The following BAZ1B variants were observed in gnomAD, a reference collection of about 807,000 sequenced individuals.
The protein encoded by BAZ1B is tyrosine-protein kinase BAZ1B.
Under a neutral mutation model 153.8 loss-of-function variants are expected in BAZ1B, and 22 were observed. That is an observed-to-expected ratio of 0.14 (90% CI 0.10 to 0.20). The LOEUF (loss-of-function observed/expected upper bound fraction) is 0.20, where lower values mean the gene tolerates loss of function less well. Among genes scored for constraint, BAZ1B ranks in the 10% least tolerant of loss-of-function variants. The pLI, the probability that BAZ1B is intolerant of heterozygous loss-of-function variation, is 1.00. For missense variants in BAZ1B, 1,325 were observed against 1,799.3 expected, an observed-to-expected ratio of 0.74 and a Z score of 4.77; for synonymous variants, 676 against 633.4, an observed-to-expected ratio of 1.07 and a Z score of -1.01.
chr7:73,467,360 GTAAT>G (rs1788632487), intron 9 of BAZ1B, among the ~76,000 whole-genome samples: 1 of 151,700 alleles, frequency 6.6e-6, no homozygotes, highest in Non-Finnish European at 1.5e-5. Context: ...TTTCAATTGG[GTAAT>G]TTATTTATTT....
chr7:73,482,808 T>C (rs1554573867), intron 6 of BAZ1B, among the ~76,000 whole-genome samples: 1 of 152,168 alleles, frequency 6.6e-6, no homozygotes, highest in Non-Finnish European at 1.5e-5. Flanking sequence ...TTGTTTGTTT[T>C]TTTCTTAAAA....
chr7:73,506,392 G>C (rs186735399), intron 3 of BAZ1B, among the ~76,000 whole-genome samples: 1 of 151,818 alleles, frequency 6.6e-6, no homozygotes, highest in South Asian at 2.1e-4. Flanking sequence ...CCAGCTACTC[G>C]GGAGGCTGAG....
chr7:73,489,800 G>A (rs1388847946), intron 5 of BAZ1B, among the ~76,000 whole-genome samples: 4 of 152,144 alleles, frequency 2.6e-5, no homozygotes, highest in African/African-American at 9.6e-5. Context: ...CTGAGAGACA[G>A]AAAACGGAGA....
Position 73,450,510 on chromosome 7 carries a change from C to CA in BAZ1B, c.3580+336dup, listed in dbSNP as rs1787995682. Reference sequence around the variant, plus strand: ...CCTGCTGAAAGCACATATCTTACTTCACAGATGACTAAAGTTCTGAGCCAA... The same window carrying CA: ...CCTGCTGAAAGCACATATCTTACTTCAACAGATGACTAAAGTTCTGAGCCAA... On this transcript the variant is annotated intron_variant, in intron 14 of 19. Transcript: ENST00000339594. This position sits in a 1 kb window ranked among gnomAD's most constrained non-coding sequence, Gnocchi z 4.1. Among the ~76,000 whole-genome samples the CA allele has an allele frequency of 6.6e-6, 1 of 152,322 alleles. No homozygotes were observed. Among genetic ancestry groups the CA allele is most frequent in the Non-Finnish European group, 1.5e-5 (1 of 68,038 alleles).
intron 9 of BAZ1B, 137 bp downstream of exon 9, chr7:73,469,380 C>T (rs1554571670): frequency 5.7e-6 from 6 of 1,058,926 alleles, no homozygotes; most frequent in Non-Finnish European, 8.1e-6. Flanking sequence ...TTCACATCTA[C>T]CTACTTCACT....
chr7:73,450,208 C>T lies in BAZ1B; in HGVS notation c.3581-519G>A, dbSNP rs546564421. ...GATTACAGGCGTGAGCCACCGCGCC[C>T]GGCCCCTGATGGGTTCCCTTAAACC... On this transcript the variant is annotated intron_variant, in intron 14 of 19. Coordinates refer to ENST00000339594, the MANE Select transcript of BAZ1B (RefSeq NM_032408.4). This position sits in a 1 kb window ranked among gnomAD's most constrained non-coding sequence, Gnocchi z 4.1. Among the ~76,000 whole-genome samples, 3 of 152,206 alleles carry T rather than the reference C, an allele frequency of 2.0e-5. No homozygotes were observed. The highest frequency in any genetic ancestry group is 2.0e-4 in the Admixed American group (3 of 15,294).
chr7:73,447,029 G>A (rs1199942331), intron 16 of BAZ1B, among the ~76,000 whole-genome samples: 2 of 152,200 alleles, frequency 1.3e-5, no homozygotes, highest in African/African-American at 4.8e-5. Context: ...AAATCTTAGA[G>A]CAAGTGGGTT....
At position 73,442,657 on chromosome 7, in the gene BAZ1B, G is replaced by C. The variant is rs570458251; in HGVS notation, c.4094+68C>G. 3 of 1,564,012 alleles carry C rather than the reference G, an allele frequency of 1.9e-6. No homozygotes were observed. The Admixed American group carries it at 5.7e-5, about 30-fold the overall frequency. ...AAGGGCTTGGCTGAGAGCCCCTCAG[G>C]GGCTCTGGAAGCTTTTAGAACCAGC... On this transcript the variant is annotated intron_variant, in intron 18 of 19. Transcript: ENST00000339594.
Position 73,498,618 on chromosome 7 carries a change from C to T in BAZ1B, c.450G>A (p.Lys150=). The change falls in exon 4 of 20, where the codon AAG becomes AAA. Residue 150 remains lysine (K), a synonymous_variant. Coordinates refer to ENST00000339594, the MANE Select transcript of BAZ1B (RefSeq NM_032408.4). ...GAGAATCACAGGCACCATCAGATTT[C>T]TTCTCAGTGGCCTCTTCATCCACTT... ...LEKVDEEATE[K]KSDGACDSPS... is the part of the protein sequence containing the mutation. 1 of 1,614,160 alleles carries T rather than the reference C, an allele frequency of 6.2e-7. No individual in the cohort carries two copies.
rs781831625 is a variant in BAZ1B, at chr7:73,449,554, T to C, written c.3716A>G (p.Asn1239Ser). ...PACQPATARR[N>S]SRGRNYTEES... is the part of the protein sequence containing the mutation. ...AAAAGATTCTCACCTGCCACGGGAG[T>C]TGCGCCTGGCAGTAGCGGGCTGGCA... The change falls in exon 15 of 20, where the codon AAC (asparagine) becomes AGC (serine). Residue 1239 changes from asparagine (N) to serine (S), a missense_variant. By Grantham distance (46) the Asn-to-Ser change is conservative. Around this residue, in one of 9 missense-constraint regions of BAZ1B, gnomAD observed 271 missense variants for 337.2 expected, o/e 0.80. Transcript: ENST00000339594. 1 of 1,611,436 alleles carries C rather than the reference T, an allele frequency of 6.2e-7. No homozygotes were observed. The highest frequency in any genetic ancestry group is 8.5e-7 in the Non-Finnish European group (1 of 1,179,204).
At chr7:73,445,465 G>A (rs577608303) in intron 16 of BAZ1B, among the ~76,000 whole-genome samples, 1 of 152,266 alleles carries the variant, frequency 6.6e-6, no homozygotes, top group Non-Finnish European at 1.5e-5. Context: ...GCAAGTCGAG[G>A]CCGTAAAAAC....
chr7:73,514,392 G>T (rs184910602), intron 1 of BAZ1B, among the ~76,000 whole-genome samples: 281 of 152,174 alleles, frequency 1.8e-3, no homozygotes, highest in African/African-American at 6.5e-3. Flanking sequence ...AATTAGCCAG[G>T]CGTGGTGGCG....
intron 13 of BAZ1B, among the ~76,000 whole-genome samples, chr7:73,458,674 C>CA (rs11385760): frequency 0.86 from 115,085 of 133,856 alleles, 49,252 homozygotes; most frequent in East Asian, 0.98. Context: ...ACTCTTTCTC[C>CA]AAAAAAAAAA....
chr7:73,518,786 T>G (rs1238680753), intron 1 of BAZ1B, among the ~76,000 whole-genome samples: 1 of 152,342 alleles, frequency 6.6e-6, no homozygotes, highest in South Asian at 2.1e-4. Context: ...AAGCCCCTCA[T>G]TATCATACCC....
intron 6 of BAZ1B, among the ~76,000 whole-genome samples, chr7:73,486,821 T>C (rs905226324): frequency 1.6e-4 from 25 of 152,194 alleles, no homozygotes; most frequent in Non-Finnish European, 3.4e-4. Flanking sequence ...AAATTTCTTC[T>C]AGAAAAAGAA....
At chr7:73,508,682 A>G (rs192551631) in intron 2 of BAZ1B, among the ~76,000 whole-genome samples, 140 of 152,294 alleles carry the variant, frequency 9.2e-4, no homozygotes, top group Non-Finnish European at 1.6e-3. Context: ...GGTAGCTGGG[A>G]CCACAGGCAT....
intron 1 of BAZ1B, among the ~76,000 whole-genome samples, chr7:73,516,542 T>C (rs1043842196): frequency 6.6e-6 from 1 of 151,778 alleles, no homozygotes; most frequent in African/African-American, 2.4e-5. Context: ...CCCAGCACTG[T>C]GGGAGGCCGA....
chr7:73,514,583 G>A (rs990429279), intron 1 of BAZ1B, among the ~76,000 whole-genome samples: 2 of 151,044 alleles, frequency 1.3e-5, no homozygotes, highest in East Asian at 1.9e-4. Context: ...GCCCAGGCAC[G>A]AACATCGCTC....
At position 73,521,949 on chromosome 7, in the gene BAZ1B, G is replaced by A; in HGVS notation, c.-16C>T. ...GCGGCGCCATCGCGGCGGCGGCGGT[G>A]GGGACTGGCGGCTGCTGGGGCCGGC... On this transcript the variant is annotated 5_prime_UTR_variant, in exon 1 of 20. Transcript: ENST00000339594. 1.4e-6 allele frequency: 2 copies of A among 1,437,070 alleles called. No homozygotes were observed. Among genetic ancestry groups the A allele is most frequent in the Non-Finnish European group, 1.8e-6 (2 of 1,087,074 alleles). 89.0% of individuals were successfully genotyped at this position (1,437,070 alleles called of 1,614,324 possible).
Sources: gnomAD v4.1 joint callset for allele counts (sites outside exome capture counted in the v4.1 genomes callset) on GRCh38, gnomAD v4.1.1 for gene constraint, gnomAD v4.1.1 regional missense constraint, Gnocchi (gnomAD v3.1) non-coding constraint, MANE v1.5 for transcripts, NCBI Gene and HGNC (gene_info 2026-07-23, HGNC 2026-07-21) for gene names.